Variants in GRM5 observed in about 807,000 individuals in gnomAD.
GRM5 encodes the protein metabotropic glutamate receptor 5.
Under a neutral mutation model 83.1 loss-of-function variants are expected in GRM5, and 19 were observed. That is an observed-to-expected ratio of 0.23 (90% CI 0.16 to 0.34). GRM5 has a LOEUF of 0.34. GRM5 is among the 10% of genes least tolerant of loss of function. The pLI is 1.00. For missense variants in GRM5, 1,160 were observed against 1,588.3 expected (o/e 0.73, Z 4.58); for synonymous variants, 675 against 633.6 (o/e 1.07, Z -0.98).
intron 9 of GRM5, among the ~76,000 whole-genome samples, chr11:88,514,718 A>G (rs1941475688): frequency 6.6e-6 from 1 of 152,234 alleles, no homozygotes; most frequent in Non-Finnish European, 1.5e-5. Flanking sequence ...AGAAAAATTC[A>G]GAGAAAAAGT....
chr11:88,573,629 AT>A (rs1943050489), intron 7 of GRM5, among the ~76,000 whole-genome samples: 1 of 152,218 alleles, frequency 6.6e-6, no homozygotes, highest in Admixed American at 6.5e-5. Flanking sequence ...AAGATAGATT[AT>A]AAAAAACTGA....
At chr11:89,029,343 A>C (rs1941206482) in intron 2 of GRM5, among the ~76,000 whole-genome samples, 2 of 152,228 alleles carry the variant, frequency 1.3e-5, no homozygotes, top group South Asian at 4.1e-4. Context: ...ATTCAATATA[A>C]TAGGAAATAA....
chr11:88,914,369 G>C (rs958078992), intron 2 of GRM5, among the ~76,000 whole-genome samples: 5 of 152,164 alleles, frequency 3.3e-5, no homozygotes, highest in African/African-American at 1.2e-4. Context: ...ATCACATCAA[G>C]TTCTCTATCC....
intron 2 of GRM5, among the ~76,000 whole-genome samples, chr11:89,035,486 A>C (rs1289589506): frequency 1.3e-5 from 2 of 151,598 alleles, no homozygotes; most frequent in Non-Finnish European, 1.5e-5. Flanking sequence ...AGGGTATATA[A>C]CCAAGCAATA....
intron 3 of GRM5, among the ~76,000 whole-genome samples, chr11:88,713,790 G>C (rs374098462): frequency 2.6e-5 from 4 of 151,712 alleles, no homozygotes; most frequent in Non-Finnish European, 5.9e-5. Flanking sequence ...TTCATTTGGG[G>C]GCCTAAATGA....
intron 3 of GRM5, among the ~76,000 whole-genome samples, chr11:88,719,550 T>C (rs1591464312): frequency 6.6e-6 from 1 of 152,210 alleles, no homozygotes; most frequent in East Asian, 1.9e-4. Context: ...TATAACAGAA[T>C]AATTTACATA....
chr11:88,524,786 G>A (rs925100461), intron 9 of GRM5, among the ~76,000 whole-genome samples: 1 of 152,198 alleles, frequency 6.6e-6, no homozygotes, highest in African/African-American at 2.4e-5. Flanking sequence ...TGTCTCTACA[G>A]TCCACTAGTT....
chr11:88,717,367 A>T (rs1941421909), intron 3 of GRM5, among the ~76,000 whole-genome samples: 1 of 151,962 alleles, frequency 6.6e-6, no homozygotes, highest in Non-Finnish European at 1.5e-5. Flanking sequence ...AACATTATTT[A>T]TTGAATGGTT....
intron 7 of GRM5, among the ~76,000 whole-genome samples, chr11:88,583,889 A>T (rs888572635): frequency 2.6e-5 from 4 of 152,084 alleles, no homozygotes; most frequent in Non-Finnish European, 5.9e-5. Context: ...CTGAGAACTA[A>T]TTACCTTGTT....
intron 2 of GRM5, among the ~76,000 whole-genome samples, chr11:88,870,258 G>A (rs1405738794): frequency 2.0e-5 from 3 of 151,562 alleles, no homozygotes; most frequent in African/African-American, 7.3e-5. Context: ...CCCCAAGACA[G>A]ACAGAGTTGC....
At chr11:88,881,020 A>G (rs1367701248) in intron 2 of GRM5, among the ~76,000 whole-genome samples, 4 of 152,114 alleles carry the variant, frequency 2.6e-5, no homozygotes, top group African/African-American at 7.2e-5. Context: ...AGGTAATAAC[A>G]TTGTATATTA....
chr11:88,766,000 ACT>A (rs771941418), intron 3 of GRM5, among the ~76,000 whole-genome samples: 2 of 151,536 alleles, frequency 1.3e-5, no homozygotes, highest in Non-Finnish European at 3.0e-5. Flanking sequence ...CAACAAAATC[ACT>A]CTGATTCAAA....
intron 5 of GRM5, among the ~76,000 whole-genome samples, chr11:88,600,942 C>T (rs572630826): frequency 6.6e-6 from 1 of 152,226 alleles, no homozygotes; most frequent in African/African-American, 2.4e-5. Context: ...TGATCTGTGC[C>T]TTTGGGGTTG....
chr11:88,891,277 G>A (rs1189521740), intron 2 of GRM5, among the ~76,000 whole-genome samples: 3 of 152,086 alleles, frequency 2.0e-5, no homozygotes, highest in Non-Finnish European at 4.4e-5. Context: ...AAAGGCTTAT[G>A]AAAGGTTTTT....
chr11:88,881,177 G>T (rs1944947227), intron 2 of GRM5, among the ~76,000 whole-genome samples: 2 of 151,994 alleles, frequency 1.3e-5, no homozygotes, highest in South Asian at 4.2e-4. Flanking sequence ...AAATAAGACT[G>T]TGTTAACTCC....
At chr11:88,657,926 C>G (rs1425453659) in intron 3 of GRM5, among the ~76,000 whole-genome samples, 1 of 152,158 alleles carries the variant, frequency 6.6e-6, no homozygotes, top group African/African-American at 2.4e-5. Flanking sequence ...ATGTCATCTT[C>G]ATTTTGAGTT....
chr11:88,750,924 G>A (rs1942254993), intron 3 of GRM5, among the ~76,000 whole-genome samples: 1 of 151,842 alleles, frequency 6.6e-6, no homozygotes, highest in East Asian at 1.9e-4. Context: ...GGTTAAGAGG[G>A]AAATTTATAG....
At chr11:88,687,105 A>G (rs11020951) in intron 3 of GRM5, among the ~76,000 whole-genome samples, 2,809 of 152,026 alleles carry the variant, frequency 0.018, 69 homozygotes, top group East Asian at 0.096. Flanking sequence ...CTACCCCACC[A>G]TCTAAATTAG....
At chr11:88,781,605 G>A (rs905560628) in intron 3 of GRM5, among the ~76,000 whole-genome samples, 1 of 152,132 alleles carries the variant, frequency 6.6e-6, no homozygotes, top group Non-Finnish European at 1.5e-5. Flanking sequence ...CTCACAAATG[G>A]TTCCCTGGTT....
Sources: gnomAD v4.1 joint callset for allele counts (sites outside exome capture counted in the v4.1 genomes callset) on GRCh38, gnomAD v4.1.1 for gene constraint, MANE v1.5 for transcripts, NCBI Gene and HGNC (gene_info 2026-07-23, HGNC 2026-07-21) for gene names.